Variants in IL23R observed in about 807,000 individuals in gnomAD.
IL23R encodes the protein interleukin-23 receptor.
In IL23R, 34 loss-of-function variants were observed where a neutral mutation model predicts 56.9. The observed-to-expected ratio is 0.60, with a 90% CI of 0.45 to 0.80. The LOEUF (loss-of-function observed/expected upper bound fraction) is 0.80, where lower values mean the gene tolerates loss of function less well. Ranked by LOEUF, IL23R falls within the 30% of genes least tolerant of loss-of-function variation. The pLI, the probability that IL23R is intolerant of heterozygous loss-of-function variation, is 0.00. For missense variants in IL23R, 635 were observed against 730.0 expected (o/e 0.87, Z 1.50); for synonymous variants, 230 against 249.2 (o/e 0.92, Z 0.73).
At chr1:67,224,540 T>A (rs999388830) in intron 7 of IL23R, among the ~76,000 whole-genome samples, 16 of 152,244 alleles carry the variant, frequency 1.1e-4, no homozygotes, top group Non-Finnish European at 1.8e-4. Flanking sequence ...GTATGGCTTG[T>A]CCTGCAGCCT....
chr1:67,258,464 T>C lies in IL23R; in HGVS notation c.1240-14T>C. On this transcript the variant is annotated splice_polypyrimidine_tract_variant and intron_variant, in intron 10 of 10. Coordinates refer to ENST00000347310, the MANE Select transcript of IL23R (RefSeq NM_144701.3). Reference sequence around the variant, plus strand: ...ATGTCTTTTGCAAAATAAAATGATGTCTTTTTTTCCTAGGAAAATAGTGAA... The same window carrying C: ...ATGTCTTTTGCAAAATAAAATGATGCCTTTTTTTCCTAGGAAAATAGTGAA... 1 of 1,586,214 alleles carries C rather than the reference T, an allele frequency of 6.3e-7. No homozygotes were observed. The highest frequency in any genetic ancestry group is 8.6e-7 in the Non-Finnish European group (1 of 1,162,788).
chr1:67,224,883 C>T (rs1650513361), intron 7 of IL23R, among the ~76,000 whole-genome samples: 1 of 152,250 alleles, frequency 6.6e-6, no homozygotes, highest in African/African-American at 2.4e-5. Context: ...TTTTGATAAG[C>T]ATTTTACATA....
chr1:67,166,230 T>G (rs1646872316), upstream of IL23R, among the ~76,000 whole-genome samples: 1 of 152,252 alleles, frequency 6.6e-6, no homozygotes, highest in Non-Finnish European at 1.5e-5. Flanking sequence ...GTATAAGTGT[T>G]CTGCCTCTTG....
chr1:67,213,596 C>T (rs1011861647), intron 6 of IL23R, among the ~76,000 whole-genome samples: 2 of 152,098 alleles, frequency 1.3e-5, no homozygotes, highest in Admixed American at 6.5e-5. Flanking sequence ...ATTTCTGTCA[C>T]CTAGTGATTT....
At chr1:67,203,165 A>G (rs941654783) in intron 5 of IL23R, among the ~76,000 whole-genome samples, 41 of 152,300 alleles carry the variant, frequency 2.7e-4, no homozygotes, top group African/African-American at 9.6e-4. Flanking sequence ...CATTGCATCA[A>G]TTTATTTAGC....
chr1:67,219,992 GC>G (rs1341507132), intron 7 of IL23R, among the ~76,000 whole-genome samples: 1 of 152,096 alleles, frequency 6.6e-6, no homozygotes, highest in Middle Eastern at 3.2e-3. Flanking sequence ...GATTGCGTGA[GC>G]CCGGGAGTTT....
chr1:67,227,940 ATCTTTCTTTCTTTCTT>A (rs746969384), intron 7 of IL23R, among the ~76,000 whole-genome samples: 851 of 37,298 alleles, frequency 0.023, 57 homozygotes, highest in Middle Eastern at 0.12. Context: ...CAGAACAAAG[ATCTTTCTTTCTTTCTT>A]TCTTTCTTTC....
chr1:67,182,456 T>C (rs1204931019), intron 3 of IL23R, among the ~76,000 whole-genome samples: 2 of 152,238 alleles, frequency 1.3e-5, no homozygotes, highest in Non-Finnish European at 2.9e-5. Context: ...TATAAGCTCC[T>C]GGTGTGCCAT....
upstream of IL23R, among the ~76,000 whole-genome samples, chr1:67,165,252 A>G (rs938717647): frequency 2.6e-5 from 4 of 152,140 alleles, no homozygotes; most frequent in African/African-American, 7.2e-5. Flanking sequence ...AAACAAAACT[A>G]CAATTAGATA....
At chr1:67,228,100 TTCTTTCTCTC>T (rs745891188) in intron 7 of IL23R, among the ~76,000 whole-genome samples, 654 of 57,626 alleles carry the variant, frequency 0.011, 85 homozygotes, top group Non-Finnish European at 0.02. Flanking sequence ...CTTTCTTTCT[TTCTTTCTCTC>T]TCTTTCTTTC....
chr1:67,230,970 A>C (rs1260600534), intron 7 of IL23R, among the ~76,000 whole-genome samples: 1 of 152,216 alleles, frequency 6.6e-6, no homozygotes, highest in Non-Finnish European at 1.5e-5. Flanking sequence ...GAAAGAGAGA[A>C]ACCAAAAGGA....
At chr1:67,200,080 C>T (rs972561124) in intron 4 of IL23R, among the ~76,000 whole-genome samples, 1 of 152,202 alleles carries the variant, frequency 6.6e-6, no homozygotes, top group Non-Finnish European at 1.5e-5. Flanking sequence ...CGCTCTGTCG[C>T]CCCTGCTGGA....
chr1:67,225,976 A>T (rs1650590287), intron 7 of IL23R, among the ~76,000 whole-genome samples: 1 of 152,250 alleles, frequency 6.6e-6, no homozygotes, highest in South Asian at 2.1e-4. Context: ...ATGTGGACAG[A>T]AAGGCAGAGT....
intron 9 of IL23R, among the ~76,000 whole-genome samples, chr1:67,255,470 C>CG (rs1260113059): frequency 6.6e-6 from 1 of 152,018 alleles, no homozygotes; most frequent in Non-Finnish European, 1.5e-5. Context: ...GTCAGGGTCT[C>CG]ACTCTGTTGC....
intron 6 of IL23R, chr1:67,207,581 A>G (rs1216243463): frequency 2.7e-6 from 1 of 367,070 alleles, no homozygotes; most frequent in Non-Finnish European, 5.2e-6. Flanking sequence ...ACGAGATCTG[A>G]TGCGTTTATC....
chr1:67,257,210 C>T (rs949942208), intron 10 of IL23R, among the ~76,000 whole-genome samples: 3 of 152,072 alleles, frequency 2.0e-5, no homozygotes, highest in African/African-American at 4.8e-5. Context: ...GTTTTCTGCC[C>T]GAGAGACTAA....
intron 1 of IL23R, among the ~76,000 whole-genome samples, chr1:67,143,009 G>C (rs1282834044): frequency 6.6e-6 from 1 of 152,178 alleles, no homozygotes; most frequent in Admixed American, 6.5e-5. Flanking sequence ...GATTCTCAGA[G>C]AGATTAAATA....
At chr1:67,231,652 A>C (rs1216392457) in intron 7 of IL23R, among the ~76,000 whole-genome samples, 1 of 152,202 alleles carries the variant, frequency 6.6e-6, no homozygotes, top group African/African-American at 2.4e-5. Flanking sequence ...ACAGTAAAAC[A>C]TGATGAAACA....
intron 10 of IL23R, among the ~76,000 whole-genome samples, chr1:67,256,840 C>T (rs1361943144): frequency 6.6e-6 from 1 of 152,152 alleles, no homozygotes; most frequent in African/African-American, 2.4e-5. Flanking sequence ...TTTCCCCAAC[C>T]TCATGTCATC....
Sources: allele counts gnomAD v4.1 joint callset (sites outside exome capture counted in the v4.1 genomes callset), GRCh38; gene constraint gnomAD v4.1.1; transcripts MANE v1.5; gene names NCBI Gene and HGNC (gene_info 2026-07-23, HGNC 2026-07-21).